Variants in LAMA3 observed in about 807,000 individuals in gnomAD.
The protein encoded by LAMA3 is laminin subunit alpha 3, also known as laminin subunit alpha-3.
LAMA3 carries 281 observed loss-of-function variants against 402.0 expected under a neutral mutation model. The observed-to-expected ratio is 0.70, with a 90% CI of 0.63 to 0.77. LAMA3 has a LOEUF of 0.77. LAMA3 is among the 30% of genes least tolerant of loss of function. The pLI is 0.00. For missense variants in LAMA3, 3,840 were observed against 4,215.5 expected (o/e 0.91, Z 2.47); for synonymous variants, 1,431 against 1,558.4 (o/e 0.92, Z 1.93).
At chr18:23,922,155 A>G (rs1055304903) in intron 62 of LAMA3, among the ~76,000 whole-genome samples, 2 of 152,224 alleles carry the variant, frequency 1.3e-5, no homozygotes, top group African/African-American at 2.4e-5. Flanking sequence ...AAATCCCACC[A>G]TTTTGGAATG....
chr18:23,817,829 T>G (rs144217130), intron 18 of LAMA3, among the ~76,000 whole-genome samples: 3 of 152,294 alleles, frequency 2.0e-5, no homozygotes, highest in African/African-American at 7.2e-5. Flanking sequence ...TGAAGACCAT[T>G]GAGCCTCCCC....
intron 52 of LAMA3, 124 bp from the exon 53 acceptor site, chr18:23,907,426 G>C: frequency 1.3e-6 from 1 of 782,100 alleles, no homozygotes; most frequent in Non-Finnish European, 2.3e-6. Flanking sequence ...CATCTCTGAG[G>C]TGACCCCTAA....
At chr18:23,855,934 T>C (rs1258091167) in intron 32 of LAMA3, among the ~76,000 whole-genome samples, 1 of 152,174 alleles carries the variant, frequency 6.6e-6, no homozygotes, top group East Asian at 1.9e-4. Flanking sequence ...TTGTGCCGAG[T>C]GGACAGAAAG....
At chr18:23,853,576 A>G (rs1344300047) in intron 32 of LAMA3, among the ~76,000 whole-genome samples, 1 of 152,036 alleles carries the variant, frequency 6.6e-6, no homozygotes, top group Non-Finnish European at 1.5e-5. Flanking sequence ...CCGGCCCCTT[A>G]ATGACCAAAG....
At chr18:23,903,243 A>C in intron 49 of LAMA3, 118 bp downstream of exon 49, 1 of 702,640 alleles carries the variant, frequency 1.4e-6, no homozygotes. Flanking sequence ...TCTTAGATGG[A>C]AGAGAATATA....
chr18:23,932,781 T>G (rs142340265), intron 66 of LAMA3, among the ~76,000 whole-genome samples: 1 of 152,310 alleles, frequency 6.6e-6, no homozygotes, highest in Admixed American at 6.5e-5. Context: ...TTATTGTTTT[T>G]AGATAAGAGG....
intron 12 of LAMA3, among the ~76,000 whole-genome samples, chr18:23,807,009 A>G (rs2062974989): frequency 6.6e-6 from 1 of 152,140 alleles, no homozygotes; most frequent in Non-Finnish European, 1.5e-5. Flanking sequence ...TATCATAATT[A>G]TTTGATTAGG....
rs762924975 is a variant in LAMA3, at chr18:23,749,435, A to C, written c.573A>C (p.Lys191Asn). ...YSPWQYFAHS[K>N]VDCLKEFGRE... ...AAAATATTTTCCTTCTAGATTCTAA[A>C]GTAGACTGTTTAAAAGAATTTGGGC... Residue 191 changes from lysine (K) to asparagine (N), a missense_variant, in exon 4 of 75, where the codon AAA becomes AAC. Transcript: ENST00000313654. 6.4e-7 allele frequency: 1 copy of C among 1,558,236 alleles called. No individual in the cohort carries two copies.
intron 68 of LAMA3, among the ~76,000 whole-genome samples, chr18:23,942,026 A>C (rs769750169): frequency 1.3e-5 from 2 of 152,230 alleles, no homozygotes; most frequent in African/African-American, 4.8e-5. Context: ...CGTTTTGAAG[A>C]ACATTGCCCT....
chr18:23,896,868 A>C (rs1407637097), intron 44 of LAMA3, among the ~76,000 whole-genome samples: 1 of 152,202 alleles, frequency 6.6e-6, no homozygotes, highest in Non-Finnish European at 1.5e-5. Context: ...GATAAGCATA[A>C]GAGCACTAGA....
chr18:23,890,513 A>G (rs960161454), intron 42 of LAMA3, among the ~76,000 whole-genome samples: 6 of 152,148 alleles, frequency 3.9e-5, no homozygotes, highest in Non-Finnish European at 8.8e-5. Context: ...AATACTCTTT[A>G]TCTTACAGCA....
intron 2 of LAMA3, among the ~76,000 whole-genome samples, chr18:23,718,809 G>A (rs1410936723): frequency 6.6e-6 from 1 of 152,192 alleles, no homozygotes; most frequent in Non-Finnish European, 1.5e-5. Flanking sequence ...ATCTGACTTT[G>A]CTTCCTGCCT....
intron 2 of LAMA3, among the ~76,000 whole-genome samples, chr18:23,718,581 T>G (rs2145934352): frequency 6.6e-6 from 1 of 152,108 alleles, no homozygotes; most frequent in Admixed American, 6.5e-5. Context: ...GATGGAGGTG[T>G]GAGGAGAGAA....
Position 23,751,124 on chromosome 18 carries a change from T to C in LAMA3, c.855+36T>C, listed in dbSNP as rs779695565. ...AGAGCATTTGTTTTGTTACTTTATT[T>C]ATTCATTTTTTTGGCTTACCAAATT... On this transcript the variant is annotated intron_variant, in intron 5 of 74. Transcript: ENST00000313654. 1.6e-5 allele frequency: 26 copies of C among 1,611,986 alleles called. No homozygotes were observed. The South Asian group carries it at 2.6e-4, about 16-fold the overall frequency.
chr18:23,932,248 G>A lies in LAMA3; in HGVS notation c.8665G>A (p.Gly2889Arg), dbSNP rs188722806. The change falls in exon 66 of 75, where the codon GGG becomes AGG. Residue 2889 changes from glycine to arginine, a missense_variant. By Grantham distance (125) the Gly-to-Arg change is moderately radical. Coordinates refer to ENST00000313654, the MANE Select transcript of LAMA3 (RefSeq NM_198129.4). Reference sequence around the variant, plus strand: ...TTCCCGGCAGTCTCTGCGTCTGGGCGGGAGCAATTTTGAGGGTTGTATTAG... The same window carrying A: ...TTCCCGGCAGTCTCTGCGTCTGGGCAGGAGCAATTTTGAGGGTTGTATTAG... Reference protein sequence around the residue: ...SSSRQSLRLGGSNFEGCISNV... With the variant: ...SSSRQSLRLGRSNFEGCISNV... The A allele has an allele frequency of 6.3e-5, 102 of 1,614,072 alleles. 1 individual carries two copies. In the East Asian group the frequency reaches 1.6e-3, roughly 25 times the overall value.
intron 23 of LAMA3, among the ~76,000 whole-genome samples, chr18:23,830,530 C>T (rs368988379): frequency 6.6e-6 from 1 of 152,204 alleles, no homozygotes; most frequent in African/African-American, 2.4e-5. Flanking sequence ...CAGTCCTCAT[C>T]GGTTTAACTT....
At chr18:23,747,602 A>G (rs2061674247) in intron 2 of LAMA3, among the ~76,000 whole-genome samples, 1 of 152,226 alleles carries the variant, frequency 6.6e-6, no homozygotes, top group Non-Finnish European at 1.5e-5. Flanking sequence ...TTTAGCACGT[A>G]ATGACTACTG....
At chr18:23,883,171 C>G (rs1245497331) in intron 40 of LAMA3, among the ~76,000 whole-genome samples, 1 of 152,166 alleles carries the variant, frequency 6.6e-6, no homozygotes, top group Admixed American at 6.5e-5. Context: ...TCCTGCAGAA[C>G]CCTGCAGGCT....
chr18:23,839,730 T>C lies in LAMA3; in HGVS notation c.3192-55T>C. The stretch of plus-strand genomic sequence containing the variant: ...AGTCTGTCTCTTCACTGATGGTCAG[T>C]TCTGTAGCTTTGGGTTCTTTTAAAA... On this transcript the variant is annotated intron_variant, in intron 26 of 74. Transcript: ENST00000313654. The surrounding 1 kb of genome is among the most constrained non-coding windows in gnomAD (Gnocchi z 4.5). 1 of 1,592,476 alleles carries C rather than the reference T, an allele frequency of 6.3e-7. No individual in the cohort carries two copies. The highest frequency in any genetic ancestry group is 1.7e-5 in the Admixed American group (1 of 59,998).
Sources: gnomAD v4.1 joint callset for allele counts (sites outside exome capture counted in the v4.1 genomes callset) on GRCh38, gnomAD v4.1.1 for gene constraint, Gnocchi (gnomAD v3.1) non-coding constraint, MANE v1.5 for transcripts, NCBI Gene and HGNC (gene_info 2026-07-23, HGNC 2026-07-21) for gene names.